Variants in PDCD11 observed in about 807,000 individuals in gnomAD.
PDCD11 encodes the protein protein RRP5 homolog.
In PDCD11, 97 loss-of-function variants were observed where a neutral mutation model predicts 198.9. That is an observed-to-expected ratio of 0.49 (90% CI 0.41 to 0.58). PDCD11 has a LOEUF of 0.58. Ranked by LOEUF, PDCD11 falls within the 20% of genes least tolerant of loss-of-function variation. The pLI is 0.00. For missense variants in PDCD11, 2,102 were observed against 2,312.7 expected, an observed-to-expected ratio of 0.91 and a Z score of 1.87; for synonymous variants, 893 against 918.0, an observed-to-expected ratio of 0.97 and a Z score of 0.49.
intron 24 of PDCD11, 21 bp downstream of exon 24, chr10:103,434,371 C>G (rs767629604): frequency 1.3e-6 from 2 of 1,495,320 alleles, no homozygotes; most frequent in Admixed American, 1.7e-5. Context: ...GAAACAGTGC[C>G]TGGTCGGGGA....
intron 25 of PDCD11, 107 bp from the exon 26 acceptor site, chr10:103,437,908 C>T (rs2133745847): frequency 2.4e-6 from 2 of 835,376 alleles, no homozygotes; most frequent in East Asian, 2.5e-5. Context: ...AGTCTCCTGT[C>T]TCCTCACTCC....
chr10:103,399,155 A>G (rs1243368310), intron 2 of PDCD11, among the ~76,000 whole-genome samples: 1 of 129,244 alleles, frequency 7.7e-6, no homozygotes, highest in Admixed American at 9.8e-5. Flanking sequence ...TCTGTTGCCC[A>G]TGCTGAAGTG....
At chr10:103,444,306 C>T in intron 34 of PDCD11, 1 of 625,778 alleles carries the variant, frequency 1.6e-6, no homozygotes, top group Non-Finnish European at 2.8e-6. Context: ...GATCCCCCAC[C>T]TCTTCTGTGC....
rs2032060234 is a variant in PDCD11 at position 103,434,343 on chromosome 10, C to T, written c.3660C>T (p.Ser1220=). The T allele has an allele frequency of 1.2e-6, 2 of 1,603,256 alleles. No individual in the cohort carries two copies. The highest frequency in any genetic ancestry group is 8.5e-7 in the Non-Finnish European group (1 of 1,170,330). ...PDSSKTLLCL[S]LTGPHKLEEG... ...CCTCCAAGACCCTCTTATGTCTGTCCCTCACAGGTGTGGGGATGAAACAGT... is the reference window on the plus strand; with the variant it reads ...CCTCCAAGACCCTCTTATGTCTGTCTCTCACAGGTGTGGGGATGAAACAGT... Residue 1220 remains serine, a synonymous_variant, in exon 24 of 36, where the codon TCC becomes TCT. Coordinates refer to ENST00000369797, the MANE Select transcript of PDCD11 (RefSeq NM_014976.2).
chr10:103,412,283 C>T (rs2030846690), intron 8 of PDCD11, among the ~76,000 whole-genome samples: 1 of 151,668 alleles, frequency 6.6e-6, no homozygotes, highest in Non-Finnish European at 1.5e-5. Flanking sequence ...GCCTCAGCCT[C>T]CTGAGTAGCT....
rs1335815950 is a variant in PDCD11, at chr10:103,416,723, G to T, written c.1751G>T (p.Arg584Ile). 6.2e-7 allele frequency: 1 copy of T among 1,613,984 alleles called. No individual in the cohort carries two copies. Among genetic ancestry groups the T allele is most frequent in the Non-Finnish European group, 8.5e-7 (1 of 1,179,924 alleles). ...ACTGAGTATATCCCTGACCCGGAGAGAGTTTTTTACACTGGCCAGGTAACC... is the reference window on the plus strand; with the variant it reads ...ACTGAGTATATCCCTGACCCGGAGATAGTTTTTTACACTGGCCAGGTAACC... ...LSTEYIPDPE[R>I]VFYTGQVVKV... Residue 584 changes from arginine (R) to isoleucine (I), a missense_variant, in exon 13 of 36, where the codon AGA becomes ATA. Coordinates refer to ENST00000369797, the MANE Select transcript of PDCD11 (RefSeq NM_014976.2).
rs777783044 is a variant in PDCD11 at position 103,441,657 on chromosome 10, A to G, written c.4558-169A>G. On this transcript the variant is annotated intron_variant, in intron 30 of 35. Coordinates refer to ENST00000369797, the MANE Select transcript of PDCD11 (RefSeq NM_014976.2). Reference sequence around the variant, plus strand: ...CAAAGAAAACTTTTATGTCACTGCTATAAAGTTTCCCCAGTGGGCTGGGGC... The same window carrying G: ...CAAAGAAAACTTTTATGTCACTGCTGTAAAGTTTCCCCAGTGGGCTGGGGC... Among the ~76,000 whole-genome samples, 6 of 152,216 alleles carry G rather than the reference A, an allele frequency of 3.9e-5. No individual in the cohort carries two copies. The South Asian group carries it at 8.3e-4, about 21-fold the overall frequency.
intron 13 of PDCD11, among the ~76,000 whole-genome samples, chr10:103,417,179 CTT>C (rs112206729): frequency 6.8e-6 from 1 of 146,682 alleles, no homozygotes. Context: ...TTTTCTTTTC[CTT>C]TTTTTTTTTG....
At chr10:103,408,759 C>T (rs2030614806) in intron 7 of PDCD11, among the ~76,000 whole-genome samples, 1 of 152,068 alleles carries the variant, frequency 6.6e-6, no homozygotes, top group African/African-American at 2.4e-5. Context: ...AGGCTGGTCT[C>T]AAACTCCTGA....
intron 13 of PDCD11, 44 bp from the exon 14 acceptor site, chr10:103,417,748 G>T (rs376901515): frequency 1.2e-6 from 2 of 1,602,990 alleles, no homozygotes; most frequent in Non-Finnish European, 1.7e-6. Flanking sequence ...GGCCTGCAAG[G>T]CTTGCTGGGA....
At chr10:103,426,379 T>C (rs1453351148) in intron 20 of PDCD11, among the ~76,000 whole-genome samples, 4 of 152,238 alleles carry the variant, frequency 2.6e-5, no homozygotes, top group Non-Finnish European at 5.9e-5. Context: ...TAGCTAACTG[T>C]GGGGTCTTCA....
Position 103,443,918 on chromosome 10 carries a change from G to C in PDCD11, c.5128G>C (p.Ala1710Pro). 1.2e-6 allele frequency: 2 copies of C among 1,614,076 alleles called. No homozygotes were observed. The highest frequency in any genetic ancestry group is 1.7e-6 in the Non-Finnish European group (2 of 1,179,954). Reference sequence around the variant, plus strand: ...CGTGCCTCGTCTTTTCCCACAGGAAGCTGGTGAACTCTACAACCGGATGCT... The same window carrying C: ...CGTGCCTCGTCTTTTCCCACAGGAACCTGGTGAACTCTACAACCGGATGCT... ...IYAKSEKFQE[A>P]GELYNRMLKR... The change falls in exon 34 of 36, where the codon GCT (alanine) becomes CCT (proline). Residue 1710 changes from alanine to proline, a missense_variant. Coordinates refer to ENST00000369797, the MANE Select transcript of PDCD11 (RefSeq NM_014976.2).
chr10:103,423,748 G>A, intron 19 of PDCD11, 90 bp downstream of exon 19: 1 of 812,474 alleles, frequency 1.2e-6, no homozygotes. Context: ...TCAGATGCCT[G>A]TAGCAAGGGT....
chr10:103,439,059 G>A (rs1475487730), intron 27 of PDCD11, among the ~76,000 whole-genome samples: 2 of 152,190 alleles, frequency 1.3e-5, no homozygotes, highest in African/African-American at 2.4e-5. Context: ...GTCTGGGGCC[G>A]GGCGTGGTGG....
At chr10:103,439,207 T>C (rs148347330) in intron 27 of PDCD11, among the ~76,000 whole-genome samples, 7 of 152,028 alleles carry the variant, frequency 4.6e-5, no homozygotes, top group Non-Finnish European at 1.0e-4. Flanking sequence ...CCAGGTGTGG[T>C]AGCATGAGCC....
intron 20 of PDCD11, among the ~76,000 whole-genome samples, chr10:103,425,748 C>T (rs1212173712): frequency 1.3e-5 from 2 of 151,642 alleles, no homozygotes; most frequent in South Asian, 2.1e-4. Flanking sequence ...GGTGTGATCT[C>T]GCCTCACTGC....
chr10:103,407,656 C>G (rs2133684867), intron 7 of PDCD11, among the ~76,000 whole-genome samples: 1 of 152,228 alleles, frequency 6.6e-6, no homozygotes, highest in Non-Finnish European at 1.5e-5. Flanking sequence ...GTGATCCTCC[C>G]ACCCTGGCCT....
At chr10:103,419,015 G>A (rs73330615) in intron 15 of PDCD11, among the ~76,000 whole-genome samples, 20 of 151,022 alleles carry the variant, frequency 1.3e-4, no homozygotes, top group African/African-American at 3.6e-4. Context: ...CCTTCTCCCC[G>A]CGGGGCTATA....
At chr10:103,428,331 A>G (rs1288153101) in intron 21 of PDCD11, among the ~76,000 whole-genome samples, 4 of 151,866 alleles carry the variant, frequency 2.6e-5, no homozygotes, top group Non-Finnish European at 5.9e-5. Context: ...ACACAAAGTA[A>G]ATATTCCTGG....
Sources: allele counts gnomAD v4.1 joint callset (sites outside exome capture counted in the v4.1 genomes callset), GRCh38; gene constraint gnomAD v4.1.1; transcripts MANE v1.5; gene names NCBI Gene and HGNC (gene_info 2026-07-23, HGNC 2026-07-21).